Variants in FHIP2A observed in about 807,000 individuals in gnomAD.
FHIP2A encodes the protein family with sequence similarity 160 member B1.
FHIP2A carries 46 observed loss-of-function variants against 93.5 expected under a neutral mutation model. That is an observed-to-expected ratio of 0.49 (90% CI 0.39 to 0.63). FHIP2A has a LOEUF of 0.63. FHIP2A is among the 20% of genes least tolerant of loss of function. FHIP2A has a pLI of 0.00. For synonymous variants in FHIP2A, 332 were observed against 326.5 expected (o/e 1.02, Z -0.18); for missense variants, 769 against 909.7 (o/e 0.85, Z 1.99).
intron 5 of FHIP2A, among the ~76,000 whole-genome samples, chr10:114,839,881 C>CAAAAAAA (rs10612399): frequency 6.3e-5 from 6 of 95,580 alleles, no homozygotes; most frequent in African/African-American, 1.6e-4. Flanking sequence ...GACTCTGTCT[C>CAAAAAAA]AAAAAAAAAA....
chr10:114,835,603 C>G lies in FHIP2A; in HGVS notation c.361C>G (p.Pro121Ala). ...YTKLLGRIRQ[P>A]LLPHINVHRP... ...GAAACTTCTGGGAAGAATCCGGCAG[C>G]CACTACTTCCACACATTAACGTGCA... Residue 121 changes from proline (P) to alanine (A), a missense_variant, in exon 4 of 17, where the codon CCA becomes GCA. Coordinates refer to ENST00000369248, the MANE Select transcript of FHIP2A (RefSeq NM_020940.4). 6.2e-7 allele frequency: 1 copy of G among 1,612,958 alleles called. No individual in the cohort carries two copies. Among genetic ancestry groups the G allele is most frequent in the Non-Finnish European group, 8.5e-7 (1 of 1,179,068 alleles).
At chr10:114,849,726 C>T (rs2083723559) in intron 13 of FHIP2A, among the ~76,000 whole-genome samples, 1 of 152,162 alleles carries the variant, frequency 6.6e-6, no homozygotes, top group East Asian at 1.9e-4. Flanking sequence ...GCTATCACCC[C>T]AGAAAGAAAC....
chr10:114,868,899 A>G (rs2083843915), downstream of FHIP2A, among the ~76,000 whole-genome samples: 1 of 152,194 alleles, frequency 6.6e-6, no homozygotes, highest in Non-Finnish European at 1.5e-5. Flanking sequence ...TGGGTCTGAC[A>G]GCCACTCTTT....
At chr10:114,869,962 C>T in intron 16 of FHIP2A, among the ~76,000 whole-genome samples, 1 of 152,204 alleles carries the variant, frequency 6.6e-6, no homozygotes, top group Admixed American at 6.5e-5. Context: ...TAGTGTTGCT[C>T]ATTATCATTT....
In FHIP2A at chr10:114,835,528, T is replaced by C; in HGVS notation, c.295-9T>C. On this transcript the variant is annotated splice_polypyrimidine_tract_variant and intron_variant, in intron 3 of 16. Coordinates refer to ENST00000369248, the MANE Select transcript of FHIP2A (RefSeq NM_020940.4). ...TTTTCCTGTTGGCTTCCTTTTTTCC[T>C]ATACCCAGTGTCCTCCGGGAATGAA... The C allele has an allele frequency of 6.4e-7, 1 of 1,573,656 alleles. No homozygotes were observed. Among genetic ancestry groups the C allele is most frequent in the Non-Finnish European group, 8.7e-7 (1 of 1,146,148 alleles).
intron 1 of FHIP2A, among the ~76,000 whole-genome samples, chr10:114,828,349 G>A (rs947690484): frequency 6.6e-6 from 1 of 152,128 alleles, no homozygotes; most frequent in Non-Finnish European, 1.5e-5. Flanking sequence ...CAATTCCCTT[G>A]AAATACAGTT....
At chr10:114,843,368 C>T (rs909964477) in intron 6 of FHIP2A, 142 bp downstream of exon 6, 40 of 501,568 alleles carry the variant, frequency 8.0e-5, no homozygotes, top group South Asian at 9.2e-5. Flanking sequence ...TACAGTGGTG[C>T]GATCTTGGCT....
intron 16 of FHIP2A, among the ~76,000 whole-genome samples, chr10:114,887,772 CTG>C (rs2083950576): frequency 6.6e-6 from 1 of 152,188 alleles, no homozygotes; most frequent in African/African-American, 2.4e-5. Context: ...TTGTACCAGG[CTG>C]TGAGAATGCC....
chr10:114,888,289 T>C (rs146828500), intron 16 of FHIP2A, among the ~76,000 whole-genome samples: 1 of 152,172 alleles, frequency 6.6e-6, no homozygotes, highest in African/African-American at 2.4e-5. Context: ...TTATGAAGGG[T>C]AAGCAGAGGA....
chr10:114,829,595 A>G (rs1324304870), intron 1 of FHIP2A, among the ~76,000 whole-genome samples: 1 of 152,162 alleles, frequency 6.6e-6, no homozygotes, highest in East Asian at 1.9e-4. Flanking sequence ...CAGGGTCTTT[A>G]TGACCTGTAT....
intron 2 of FHIP2A, among the ~76,000 whole-genome samples, chr10:114,832,351 G>A (rs2083612396): frequency 6.6e-6 from 1 of 152,120 alleles, no homozygotes; most frequent in Non-Finnish European, 1.5e-5. Context: ...TTTTAATAGA[G>A]GGTTTTCCTT....
downstream of FHIP2A, among the ~76,000 whole-genome samples, chr10:114,865,113 G>C (rs1166664772): frequency 6.6e-6 from 1 of 151,920 alleles, no homozygotes; most frequent in Non-Finnish European, 1.5e-5. Flanking sequence ...CCAGCCTCCT[G>C]AGTAGCTGGG....
At chr10:114,864,734 AAAATTCTAATTG>A, downstream of FHIP2A, 1 of 971,992 alleles carries the variant, frequency 1.0e-6, no homozygotes, top group South Asian at 4.8e-5. Context: ...ATGTTTTTGT[AAAATTCTAATTG>A]GGAACATTTT....
chr10:114,833,479 T>C, intron 3 of FHIP2A, 77 bp downstream of exon 3: 1 of 1,326,684 alleles, frequency 7.5e-7, no homozygotes, highest in South Asian at 1.2e-5. Flanking sequence ...AGCTGCCAAA[T>C]ACTTGATTAT....
chr10:114,862,336 T>G lies in FHIP2A; in HGVS notation c.*796T>G, dbSNP rs1366346370. ...TTGTATTTTTTTAAGCTAAGTAACA[T>G]GTACTGGGTTGAGAACCTTTTTCCC... is the stretch of plus-strand genomic sequence containing the variant. On this transcript the variant is annotated 3_prime_UTR_variant, in exon 17 of 17. Transcript: ENST00000369248. 4 of 987,370 alleles carry G rather than the reference T, an allele frequency of 4.1e-6. No homozygotes were observed. Among genetic ancestry groups the G allele is most frequent in the Non-Finnish European group, 4.8e-6 (4 of 830,060 alleles). 61.2% of individuals were successfully genotyped at this position (987,370 alleles called of 1,614,324 possible).
intron 16 of FHIP2A, among the ~76,000 whole-genome samples, chr10:114,892,498 C>T (rs1005671884): frequency 1.3e-5 from 2 of 152,052 alleles, no homozygotes; most frequent in African/African-American, 4.8e-5. Context: ...ATTAGCTGGG[C>T]GAGGTGGCGG....
intron 16 of FHIP2A, among the ~76,000 whole-genome samples, chr10:114,878,320 T>C (rs1219395956): frequency 6.6e-6 from 1 of 152,204 alleles, no homozygotes; most frequent in Non-Finnish European, 1.5e-5. Context: ...GGCTAAGAAC[T>C]CACTGAACTC....
chr10:114,881,311 A>G (rs961911873), intron 16 of FHIP2A, among the ~76,000 whole-genome samples: 17 of 152,172 alleles, frequency 1.1e-4, no homozygotes, highest in Admixed American at 4.6e-4. Flanking sequence ...AAAGCCTTCA[A>G]GAGTAAGGGA....
At chr10:114,895,532 C>T (rs1303010855) in intron 16 of FHIP2A, among the ~76,000 whole-genome samples, 2 of 152,118 alleles carry the variant, frequency 1.3e-5, no homozygotes, top group Non-Finnish European at 2.9e-5. Context: ...ATAACGATAC[C>T]TTAGCTTTGT....
Sources: gnomAD v4.1 joint callset for allele counts (sites outside exome capture counted in the v4.1 genomes callset) on GRCh38, gnomAD v4.1.1 for gene constraint, MANE v1.5 for transcripts, NCBI Gene and HGNC (gene_info 2026-07-23, HGNC 2026-07-21) for gene names.